Variants in ZNF639 observed in about 807,000 individuals in gnomAD.
ZNF639 encodes the protein zinc finger amplified in esophageal squamous cell carcinomas 1.
ZNF639 carries 20 observed loss-of-function variants against 39.8 expected under a neutral mutation model. The ratio of observed to expected loss-of-function variants is 0.50; its 90% confidence interval spans 0.35 to 0.73. The LOEUF (loss-of-function observed/expected upper bound fraction) is 0.73. Ranked by LOEUF, ZNF639 falls within the 30% of genes least tolerant of loss-of-function variation. The pLI, the probability that ZNF639 is intolerant of heterozygous loss-of-function variation, is 0.00. For synonymous variants in ZNF639, 176 were observed against 189.8 expected (o/e 0.93, Z 0.60); for missense variants, 477 against 566.2 (o/e 0.84, Z 1.60).
chr3:179,331,790 A>T (rs1052067236), intron 4 of ZNF639, among the ~76,000 whole-genome samples: 6 of 151,674 alleles, frequency 4.0e-5, no homozygotes, highest in Non-Finnish European at 8.8e-5. Flanking sequence ...AAAAAAAAAA[A>T]AAAAAAGACA....
chr3:179,324,423 G>A (rs933004291), intron 1 of ZNF639, among the ~76,000 whole-genome samples: 1 of 151,872 alleles, frequency 6.6e-6, no homozygotes, highest in Non-Finnish European at 1.5e-5. Flanking sequence ...AGGGAGGGGG[G>A]ACTGTGATAG....
intron 1 of ZNF639, among the ~76,000 whole-genome samples, chr3:179,326,550 T>A (rs767310788): frequency 6.6e-6 from 1 of 152,340 alleles, no homozygotes; most frequent in East Asian, 1.9e-4. Flanking sequence ...AGATAAAGTA[T>A]GTTCACAGCC....
chr3:179,324,830 T>A (rs1437668929), intron 1 of ZNF639: 2 of 152,242 alleles, frequency 1.3e-5, no homozygotes, highest in Non-Finnish European at 2.9e-5. Flanking sequence ...CTACTTAACA[T>A]GTTCGGCTGA....
chr3:179,329,464 A>G (rs1727781189), intron 3 of ZNF639, among the ~76,000 whole-genome samples, 154 bp from the exon 4 acceptor site: 1 of 152,250 alleles, frequency 6.6e-6, no homozygotes, highest in South Asian at 2.1e-4. Context: ...ATTGGATCTG[A>G]AATATAAAAG....
At position 179,327,323 on chromosome 3, in the gene ZNF639, C is replaced by CA. The variant is rs1317864068; in HGVS notation, c.-82-229dup. ...CTATAGGTCAGGCATGAGACTGTCT[C>CA]AAAAAAAAAGAACTATAGAAGGTAA... is the stretch of plus-strand genomic sequence containing the variant. On this transcript the variant is annotated intron_variant, in intron 1 of 5. Transcript: ENST00000496856. Among the ~76,000 whole-genome samples the CA allele has an allele frequency of 2.3e-3, 340 of 148,922 alleles. 1 individual carries two copies. Among genetic ancestry groups the CA allele is most frequent in the African/African-American group, 7.1e-3 (290 of 40,610 alleles).
intron 4 of ZNF639, 195 bp downstream of exon 4, chr3:179,329,923 T>A: frequency 3.7e-6 from 1 of 269,674 alleles, no homozygotes; most frequent in Non-Finnish European, 6.9e-6. Context: ...TTTTTTTTTT[T>A]TTTTTTTGAG....
Position 179,337,360 on chromosome 3 carries a change from A to G in ZNF639, c.*2938A>G, listed in dbSNP as rs1425411387. On this transcript the variant is annotated 3_prime_UTR_variant, in exon 6 of 6. Coordinates refer to ENST00000496856, the MANE Select transcript of ZNF639 (RefSeq NM_001303426.2). ...AATTTTGTACTTTTTTTTTTTTCAG[A>G]CAGTCTTGCTCTGTTGCCCAGGCTG... The G allele has an allele frequency of 6.7e-6, 1 of 149,638 alleles. No individual in the cohort carries two copies. The highest frequency in any genetic ancestry group is 1.5e-5 in the Non-Finnish European group (1 of 67,566). 9.3% of individuals were successfully genotyped at this position (149,638 alleles called of 1,614,324 possible).
upstream of ZNF639, chr3:179,323,023 G>T (rs1402736435): frequency 4.1e-6 from 4 of 984,970 alleles, no homozygotes; most frequent in Admixed American, 6.2e-5. Flanking sequence ...CCCTCTCGGC[G>T]GGCCCCTGAG....
At chr3:179,333,200 T>A in intron 5 of ZNF639, 69 bp from the exon 6 acceptor site, 1 of 1,555,784 alleles carries the variant, frequency 6.4e-7, no homozygotes, top group Non-Finnish European at 8.7e-7. Context: ...ATAAATTTTT[T>A]TTTGCCCAGT....
At chr3:179,323,576 T>C (rs1249184178) in intron 1 of ZNF639, among the ~76,000 whole-genome samples, 2 of 152,154 alleles carry the variant, frequency 1.3e-5, no homozygotes, top group African/African-American at 2.4e-5. Context: ...CGCCGGCTTC[T>C]GGGCCCGGGC....
chr3:179,328,302 G>A lies in ZNF639; in HGVS notation c.9G>A (p.Glu3=), dbSNP rs1367195281. The change falls in exon 3 of 6, where the codon GAG becomes GAA. Residue 3 remains glutamate (E), a synonymous_variant. Coordinates refer to ENST00000496856, the MANE Select transcript of ZNF639 (RefSeq NM_001303426.2). The part of the protein sequence containing the change: MN[E]YPKKRKRKTL... ...TTTTAGATTGAAAAGATATGAATGA[G>A]TATCCTAAAAAAAGAAAAAGGAAGA... 1.3e-6 allele frequency: 2 copies of A among 1,574,288 alleles called. No individual in the cohort carries two copies. The highest frequency in any genetic ancestry group is 1.7e-6 in the Non-Finnish European group (2 of 1,156,396).
chr3:179,324,400 G>T (rs1727467318), intron 1 of ZNF639, among the ~76,000 whole-genome samples: 1 of 151,538 alleles, frequency 6.6e-6, no homozygotes, highest in South Asian at 2.1e-4. Flanking sequence ...TACATATGTC[G>T]TTTGTATTTC....
chr3:179,323,132 A>T lies in ZNF639; in HGVS notation c.-242A>T. On this transcript the variant is annotated 5_prime_UTR_variant, in exon 1 of 6. Coordinates refer to ENST00000496856, the MANE Select transcript of ZNF639 (RefSeq NM_001303426.2). ...CAGGGCGTGGGGCGCGCGGGGAGGGAGAGGGGTCGGCCCAGCACAGCGTCC... is the reference window on the plus strand; with the variant it reads ...CAGGGCGTGGGGCGCGCGGGGAGGGTGAGGGGTCGGCCCAGCACAGCGTCC... 3.0e-6 allele frequency: 3 copies of T among 984,314 alleles called. No individual in the cohort carries two copies. The highest frequency in any genetic ancestry group is 3.6e-6 in the Non-Finnish European group (3 of 829,728). The allele number at this position is 984,314 out of a possible 1,614,324, so 61.0% of individuals were successfully genotyped here.
chr3:179,323,215 C>G lies in ZNF639; in HGVS notation c.-159C>G, dbSNP rs1442296238. 1 of 985,006 alleles carries G rather than the reference C, an allele frequency of 1.0e-6. No individual in the cohort carries two copies. Among genetic ancestry groups the G allele is most frequent in the African/African-American group, 1.8e-5 (1 of 57,142 alleles). The allele number at this position is 985,006 out of a possible 1,614,324, so 61.0% of individuals were successfully genotyped here. The stretch of plus-strand genomic sequence containing the variant: ...CGCCGTGCGTCCGCGGGAAGGACCG[C>G]GCGGCCCCTCCGCCTGCGCTCTCGG... On this transcript the variant is annotated 5_prime_UTR_variant, in exon 1 of 6. Coordinates refer to ENST00000496856, the MANE Select transcript of ZNF639 (RefSeq NM_001303426.2).
chr3:179,333,848 A>G lies in ZNF639; in HGVS notation c.884A>G (p.Asp295Gly). 6.2e-7 allele frequency: 1 copy of G among 1,614,178 alleles called. No individual in the cohort carries two copies. The highest frequency in any genetic ancestry group is 1.3e-5 in the African/African-American group (1 of 75,060). Residue 295 changes from aspartate (D) to glycine (G), a missense_variant, in exon 6 of 6, where the codon GAT (aspartate) becomes GGT (glycine). Coordinates refer to ENST00000496856, the MANE Select transcript of ZNF639 (RefSeq NM_001303426.2). Reference sequence around the variant, plus strand: ...CACCTCTATTGGTGTGAACAGTGTGATGTACAGTTCTCCTCAAGCAGTGAA... The same window carrying G: ...CACCTCTATTGGTGTGAACAGTGTGGTGTACAGTTCTCCTCAAGCAGTGAA... The part of the protein sequence containing the change: ...SDHLYWCEQC[D>G]VQFSSSSELY...
At chr3:179,323,029 C>A, upstream of ZNF639, 2 of 985,256 alleles carry the variant, frequency 2.0e-6, no homozygotes, top group African/African-American at 1.7e-5. Flanking sequence ...CGGCGGGCCC[C>A]TGAGGTGCGC....
At position 179,334,829 on chromosome 3, in the gene ZNF639, A is replaced by C. The variant is rs188714367; in HGVS notation, c.*407A>C. On this transcript the variant is annotated 3_prime_UTR_variant, in exon 6 of 6. Coordinates refer to ENST00000496856, the MANE Select transcript of ZNF639 (RefSeq NM_001303426.2). ...TTAAATTATTACACGACCAGAACTA[A>C]AATGCAATATACAGTTAAGTCCACG... 2.3e-4 allele frequency: 36 copies of C among 153,284 alleles called. No individual in the cohort carries two copies. Among genetic ancestry groups the C allele is most frequent in the Admixed American group, 5.9e-4 (9 of 15,338 alleles). The allele number at this position is 153,284 out of a possible 1,614,324, so 9.5% of individuals were successfully genotyped here.
chr3:179,328,988 A>G (rs1294081713), intron 3 of ZNF639, among the ~76,000 whole-genome samples: 1 of 152,130 alleles, frequency 6.6e-6, no homozygotes, highest in African/African-American at 2.4e-5. Context: ...CATGCTGCCC[A>G]GGCTGGATGA....
In ZNF639 at chr3:179,333,220, C is replaced by G. The variant is rs111478288; in HGVS notation, c.305-49C>G. 1.4e-5 allele frequency: 22 copies of G among 1,558,684 alleles called. 1 individual carries two copies. The African/African-American group carries it at 1.5e-4, about 11-fold the overall frequency. ...TTTTTTTTTGCCCAGTTGTATTTAA[C>G]AGATCTTATTTAGTTATAGTCATAT... On this transcript the variant is annotated intron_variant, in intron 5 of 5. Transcript: ENST00000496856.
Sources: allele counts gnomAD v4.1 joint callset (sites outside exome capture counted in the v4.1 genomes callset), GRCh38; gene constraint gnomAD v4.1.1; transcripts MANE v1.5; gene names NCBI Gene and HGNC (gene_info 2026-07-23, HGNC 2026-07-21).